DCLK2: variants seen among roughly 807,000 people sequenced by gnomAD.
The protein encoded by DCLK2 is serine/threonine-protein kinase DCLK2.
In DCLK2, 31 loss-of-function variants were observed where a neutral mutation model predicts 78.4. That is an observed-to-expected ratio of 0.40 (90% confidence interval 0.30 to 0.53). The LOEUF (loss-of-function observed/expected upper bound fraction) is 0.53. Ranked by LOEUF, DCLK2 falls within the 20% of genes least tolerant of loss-of-function variation. The pLI, the probability that DCLK2 is intolerant of heterozygous loss-of-function variation, is 0.61. For missense variants in DCLK2, 872 were observed against 973.7 expected (o/e 0.90, Z 1.39); for synonymous variants, 407 against 374.9 (o/e 1.09, Z -0.99).
chr4:150,081,162 G>T (rs1305392302), intron 1 of DCLK2, among the ~76,000 whole-genome samples: 1 of 152,268 alleles, frequency 6.6e-6, no homozygotes, highest in African/African-American at 2.4e-5. Flanking sequence ...TCCTGGTATG[G>T]TTTCTTAAGA....
chr4:150,188,293 G>T (rs1387323090), intron 2 of DCLK2, among the ~76,000 whole-genome samples: 2 of 151,992 alleles, frequency 1.3e-5, no homozygotes, highest in African/African-American at 4.8e-5. Context: ...GGGCAACATA[G>T]TGAAACCTGG....
intron 2 of DCLK2, among the ~76,000 whole-genome samples, chr4:150,152,008 T>C (rs1051785759): frequency 7.9e-5 from 12 of 152,176 alleles, no homozygotes; most frequent in African/African-American, 2.7e-4. Context: ...AGTATTAAGG[T>C]TGTTATTGTA....
intron 15 of DCLK2, among the ~76,000 whole-genome samples, chr4:150,250,560 G>T (rs140593233): frequency 6.6e-6 from 1 of 151,828 alleles, no homozygotes; most frequent in Non-Finnish European, 1.5e-5. Context: ...CAGAGCTGGA[G>T]TTGGCTGCAG....
chr4:150,127,019 T>C (rs1732964573), intron 2 of DCLK2, among the ~76,000 whole-genome samples: 1 of 152,212 alleles, frequency 6.6e-6, no homozygotes, highest in Non-Finnish European at 1.5e-5. Flanking sequence ...GTGAATACAT[T>C]GTGGTTATGC....
intron 2 of DCLK2, among the ~76,000 whole-genome samples, chr4:150,180,699 C>G (rs749103960): frequency 6.6e-6 from 1 of 152,160 alleles, no homozygotes; most frequent in Non-Finnish European, 1.5e-5. Flanking sequence ...CTCTCTCTGA[C>G]CTTCTCCTGC....
intron 5 of DCLK2, among the ~76,000 whole-genome samples, chr4:150,220,184 T>A (rs2126525886): frequency 6.6e-6 from 1 of 152,350 alleles, no homozygotes; most frequent in East Asian, 1.9e-4. Flanking sequence ...TTTTTAAACA[T>A]TCTGCCATAG....
At chr4:150,145,304 T>G (rs1286681010) in intron 2 of DCLK2, among the ~76,000 whole-genome samples, 2 of 152,164 alleles carry the variant, frequency 1.3e-5, no homozygotes, top group Non-Finnish European at 2.9e-5. Flanking sequence ...AAGTTGTCTG[T>G]CAGTTGTTAA....
chr4:150,132,522 T>C (rs984492056), intron 2 of DCLK2, among the ~76,000 whole-genome samples: 17 of 152,346 alleles, frequency 1.1e-4, no homozygotes, highest in African/African-American at 4.1e-4. Context: ...AAACACTGAA[T>C]TAACAAATAC....
chr4:150,113,600 CT>C (rs1392040083), intron 2 of DCLK2, among the ~76,000 whole-genome samples: 1 of 150,968 alleles, frequency 6.6e-6, no homozygotes, highest in Non-Finnish European at 1.5e-5. Context: ...TGTAATGTTT[CT>C]ATTTTCATTT....
chr4:150,248,335 G>A lies in DCLK2; in HGVS notation c.1906G>A (p.Val636Ile), dbSNP rs1246690851. 1 of 1,613,864 alleles carries A rather than the reference G, an allele frequency of 6.2e-7. No homozygotes were observed. Among genetic ancestry groups the A allele is most frequent in the Non-Finnish European group, 8.5e-7 (1 of 1,180,000 alleles). Residue 636 changes from valine (V) to isoleucine (I), a missense_variant, in exon 14 of 16, where the codon GTT (valine) becomes ATT (isoleucine). Val to Ile is a conservative substitution (Grantham distance 29). Around this residue, in one of 3 missense-constraint regions of DCLK2, gnomAD observed 219 missense variants for 230.1 expected, o/e 0.95. Coordinates refer to ENST00000296550, the MANE Select transcript of DCLK2 (RefSeq NM_001040260.4). The part of the protein sequence containing the change: ...ELISQMLQVN[V>I]EARCTAGQIL... ...AATCAGTCAAATGCTTCAGGTAAAT[G>A]TTGAAGCTCGGTGTACCGCGGGACA...
intron 2 of DCLK2, among the ~76,000 whole-genome samples, chr4:150,162,360 G>A (rs1419525528): frequency 1.3e-5 from 2 of 152,074 alleles, no homozygotes; most frequent in African/African-American, 4.8e-5. Flanking sequence ...TTAAAGTTGA[G>A]TTATTAGGGA....
At chr4:150,241,055 A>G (rs1042963893) in intron 12 of DCLK2, among the ~76,000 whole-genome samples, 31 of 152,220 alleles carry the variant, frequency 2.0e-4, no homozygotes, top group Non-Finnish European at 3.4e-4. Flanking sequence ...CCATTTCTTC[A>G]TAGTGGTCTC....
At chr4:150,221,322 T>C (rs1741171141) in intron 6 of DCLK2, among the ~76,000 whole-genome samples, 1 of 152,002 alleles carries the variant, frequency 6.6e-6, no homozygotes, top group African/African-American at 2.4e-5. Context: ...TCTTTGTTTT[T>C]TTTTTTTTTC....
chr4:150,113,057 C>T (rs536380265), intron 2 of DCLK2, among the ~76,000 whole-genome samples: 20 of 152,164 alleles, frequency 1.3e-4, no homozygotes, highest in Admixed American at 3.3e-4. Context: ...GTGATCCGCT[C>T]GCTTCGGCCT....
intron 2 of DCLK2, among the ~76,000 whole-genome samples, chr4:150,163,497 C>T (rs1735853926): frequency 6.6e-6 from 1 of 152,132 alleles, no homozygotes. Context: ...TAGAGGAGTT[C>T]AAAGCCCAGG....
At chr4:150,105,828 G>A (rs1731212870) in intron 2 of DCLK2, among the ~76,000 whole-genome samples, 1 of 152,036 alleles carries the variant, frequency 6.6e-6, no homozygotes, top group Admixed American at 6.5e-5. Context: ...CATGTAATAT[G>A]TTTTCAATTC....
chr4:150,235,813 A>G (rs1453548457), intron 10 of DCLK2, among the ~76,000 whole-genome samples: 1 of 152,204 alleles, frequency 6.6e-6, no homozygotes, highest in African/African-American at 2.4e-5. Context: ...GTTTTTAAAC[A>G]CCAGAGCATT....
intron 8 of DCLK2, among the ~76,000 whole-genome samples, chr4:150,228,055 A>T (rs1399266723): frequency 6.6e-6 from 1 of 152,038 alleles, no homozygotes; most frequent in Non-Finnish European, 1.5e-5. Context: ...TTGTGATCAT[A>T]TCCCACCAGT....
intron 5 of DCLK2, among the ~76,000 whole-genome samples, chr4:150,209,320 G>A (rs911663762): frequency 6.6e-6 from 1 of 152,172 alleles, no homozygotes. Context: ...GCCACACACA[G>A]CCTCTCTCAC....
Sources: gnomAD v4.1 joint callset for allele counts (sites outside exome capture counted in the v4.1 genomes callset) on GRCh38, gnomAD v4.1.1 for gene constraint, gnomAD v4.1.1 regional missense constraint, MANE v1.5 for transcripts, NCBI Gene and HGNC (gene_info 2026-07-23, HGNC 2026-07-21) for gene names.